The following CEP57L1 variants were observed in gnomAD, a reference collection of about 807,000 sequenced individuals.
The protein encoded by CEP57L1 is centrosomal protein CEP57L1.
In CEP57L1, 37 loss-of-function variants were observed where a neutral mutation model predicts 61.0. The ratio of observed to expected loss-of-function variants is 0.61; its 90% CI spans 0.47 to 0.80. The LOEUF (loss-of-function observed/expected upper bound fraction) is 0.80, where lower values mean the gene tolerates loss of function less well. Among genes scored for constraint, CEP57L1 ranks in the 30% least tolerant of loss-of-function variants. CEP57L1 has a pLI of 0.00. For synonymous variants in CEP57L1, 137 were observed against 162.3 expected (o/e 0.84, Z 1.19); for missense variants, 422 against 524.7 (o/e 0.80, Z 1.91).
At chr6:109,095,302 C>T, upstream of CEP57L1, 1 of 986,018 alleles carries the variant, frequency 1.0e-6, no homozygotes, top group Non-Finnish European at 1.2e-6. Flanking sequence ...ACAAGCACGA[C>T]AAAGAAAGAG....
intron 1 of CEP57L1, among the ~76,000 whole-genome samples, chr6:109,114,127 C>T (rs2114650959): frequency 6.6e-6 from 1 of 152,152 alleles, no homozygotes; most frequent in Non-Finnish European, 1.5e-5. Flanking sequence ...TCTGAGGAAC[C>T]TCCATACTGT....
chr6:109,148,568 G>T (rs1250019737), intron 3 of CEP57L1, among the ~76,000 whole-genome samples: 2 of 152,186 alleles, frequency 1.3e-5, no homozygotes, highest in South Asian at 4.2e-4. Flanking sequence ...GAATAGTGCC[G>T]CAATAAACAT....
intron 1 of CEP57L1, among the ~76,000 whole-genome samples, chr6:109,136,786 T>C (rs112211350): frequency 0.14 from 20,766 of 151,430 alleles, 1,730 homozygotes; most frequent in African/African-American, 0.22. Context: ...GAGAGTCTTT[T>C]GCTCTGTCGC....
In CEP57L1 at chr6:109,165,519, G is replaced by C. The variant is rs773116516; in HGVS notation, c.*2549G>C. On this transcript the variant is annotated 3_prime_UTR_variant, in exon 11 of 11. Transcript: ENST00000517392. Reference sequence around the variant, plus strand: ...AAGTGGGAATATTCTCACTTATTTTGGTTTTTATCTCTTTCTGTGTGCCTG... The same window carrying C: ...AAGTGGGAATATTCTCACTTATTTTCGTTTTTATCTCTTTCTGTGTGCCTG... Among the ~76,000 whole-genome samples, 6 of 151,884 alleles carry C rather than the reference G, an allele frequency of 4.0e-5. No individual in the cohort carries two copies. Among genetic ancestry groups the C allele is most frequent in the Admixed American group, 6.6e-5 (1 of 15,246 alleles).
chr6:109,141,202 G>A lies in CEP57L1; in HGVS notation c.-3-4017G>A, dbSNP rs1233340946. On this transcript the variant is annotated intron_variant, in intron 1 of 10. Transcript: ENST00000517392. ...TATGGGGCAAGATGAAGCCTTAAAT[G>A]GATTTTTTCCCCATTTTTTTCTTTT... is the stretch of plus-strand genomic sequence containing the variant. Among the ~76,000 whole-genome samples the A allele has an allele frequency of 4.0e-5, 6 of 151,806 alleles. 1 individual carries two copies. Among genetic ancestry groups the A allele is most frequent in the African/African-American group, 1.5e-4 (6 of 41,322 alleles).
chr6:109,123,673 AG>A (rs1290554763), intron 1 of CEP57L1, among the ~76,000 whole-genome samples: 1 of 152,062 alleles, frequency 6.6e-6, no homozygotes, highest in East Asian at 1.9e-4. Flanking sequence ...CCCTGTCACG[AG>A]TTTTCCTTGT....
Position 109,168,141 on chromosome 6 carries a change from A to G in CEP57L1, c.*5171A>G, listed in dbSNP as rs1199997206. On this transcript the variant is annotated 3_prime_UTR_variant, in exon 11 of 11. Coordinates refer to ENST00000517392, the MANE Select transcript of CEP57L1 (RefSeq NM_001271852.3). ...CTTCATTTTCTATCTATCTTGATTT[A>G]TATACCTTCACCTTTTTAAATTTTT... Among the ~76,000 whole-genome samples, 2 of 152,238 alleles carry G rather than the reference A, an allele frequency of 1.3e-5. No homozygotes were observed. The highest frequency in any genetic ancestry group is 4.8e-5 in the African/African-American group (2 of 41,460).
chr6:109,158,947 G>A, intron 7 of CEP57L1, 78 bp from the exon 8 acceptor site: 1 of 1,413,210 alleles, frequency 7.1e-7, no homozygotes, highest in Non-Finnish European at 9.7e-7. Flanking sequence ...GTTTTCTGTT[G>A]AGTTTTGAGA....
chr6:109,116,339 AC>A (rs963239997), intron 1 of CEP57L1, among the ~76,000 whole-genome samples: 3 of 151,798 alleles, frequency 2.0e-5, no homozygotes, highest in Non-Finnish European at 4.4e-5. Context: ...CACCACGCCC[AC>A]CTAATTTTGT....
At chr6:109,155,725 A>G (rs1773150998) in intron 6 of CEP57L1, 66 bp from the exon 7 acceptor site, 3 of 778,170 alleles carry the variant, frequency 3.9e-6, no homozygotes, top group South Asian at 3.4e-5. Flanking sequence ...CTTAGACCTG[A>G]TATCTCATTA....
intron 1 of CEP57L1, among the ~76,000 whole-genome samples, chr6:109,132,512 C>T (rs1229273275): frequency 2.6e-5 from 4 of 152,060 alleles, no homozygotes; most frequent in Admixed American, 2.0e-4. Context: ...TTATCCATTT[C>T]GGCTGTTTCT....
At chr6:109,106,511 A>G (rs1223109696) in intron 1 of CEP57L1, among the ~76,000 whole-genome samples, 1 of 152,116 alleles carries the variant, frequency 6.6e-6, no homozygotes, top group African/African-American at 2.4e-5. Flanking sequence ...TATTCCATTT[A>G]TTAAAGTTGT....
chr6:109,158,716 T>G, intron 7 of CEP57L1: 1 of 486,484 alleles, frequency 2.1e-6, no homozygotes, highest in Non-Finnish European at 3.9e-6. Context: ...CCACCAACAA[T>G]ATGTGAGTGA....
Position 109,145,385 on chromosome 6 carries a change from A to G in CEP57L1, c.160+4A>G, listed in dbSNP as rs767327224. ...CTTCATAGCCCAAATAGCCAAGGTA[A>G]TGCTGATATAAAATTTGAAGAATGG... On this transcript the variant is annotated splice_donor_region_variant and intron_variant, in intron 2 of 10. Transcript: ENST00000517392. The G allele has an allele frequency of 3.9e-6, 6 of 1,535,582 alleles. No individual in the cohort carries two copies. Among genetic ancestry groups the G allele is most frequent in the South Asian group, 2.6e-5 (2 of 76,760 alleles).
At chr6:109,111,452 A>C (rs1446420237) in intron 1 of CEP57L1, among the ~76,000 whole-genome samples, 1 of 152,208 alleles carries the variant, frequency 6.6e-6, no homozygotes, top group Non-Finnish European at 1.5e-5. Flanking sequence ...TAAATATACA[A>C]TCATGTCATC....
At chr6:109,157,622 A>G (rs1300289508) in intron 7 of CEP57L1, 2 of 152,194 alleles carry the variant, frequency 1.3e-5, no homozygotes, top group East Asian at 1.9e-4. Flanking sequence ...CCAGGGACCT[A>G]TAAGTAATAG....
intron 5 of CEP57L1, among the ~76,000 whole-genome samples, chr6:109,154,904 T>C (rs180906179): frequency 1.0e-3 from 158 of 152,220 alleles, no homozygotes; most frequent in African/African-American, 3.7e-3. Context: ...AAGACTATAA[T>C]TGTTTGACCT....
chr6:109,101,623 CTTTTTTTT>C (rs1175348573), intron 1 of CEP57L1, among the ~76,000 whole-genome samples: 3 of 139,930 alleles, frequency 2.1e-5, no homozygotes, highest in African/African-American at 8.1e-5. Flanking sequence ...TTTCTTTTTT[CTTTTTTTT>C]TTTTTTTGAG....
intron 2 of CEP57L1, 35 bp downstream of exon 2, chr6:109,145,416 A>G (rs1389110734): frequency 7.0e-7 from 1 of 1,430,642 alleles, no homozygotes; most frequent in Non-Finnish European, 9.4e-7. Flanking sequence ...AATGGTAAAA[A>G]CATGCTATAA....
Sources: gnomAD v4.1 joint callset for allele counts (sites outside exome capture counted in the v4.1 genomes callset) on GRCh38, gnomAD v4.1.1 for gene constraint, MANE v1.5 for transcripts, NCBI Gene and HGNC (gene_info 2026-07-23, HGNC 2026-07-21) for gene names.